The following CTNNA2 variants were observed in gnomAD, a reference collection of about 807,000 sequenced individuals.
CTNNA2 encodes catenin alpha-2.
CTNNA2 carries 42 observed loss-of-function variants against 101.0 expected under a neutral mutation model. That is an observed-to-expected ratio of 0.42 (90% CI 0.32 to 0.54). The LOEUF (loss-of-function observed/expected upper bound fraction) is 0.54. Among genes scored for constraint, CTNNA2 ranks in the 20% least tolerant of loss-of-function variants. CTNNA2 has a pLI of 0.14. For missense variants in CTNNA2, 871 were observed against 1,223.1 expected (o/e 0.71, Z 4.29); for synonymous variants, 450 against 456.4 (o/e 0.99, Z 0.18).
At chr2:80,112,104 T>C (rs1701249750) in intron 7 of CTNNA2, among the ~76,000 whole-genome samples, 1 of 152,186 alleles carries the variant, frequency 6.6e-6, no homozygotes, top group Non-Finnish European at 1.5e-5. Context: ...ACAATATAGT[T>C]TCAAATAATA....
intron 2 of CTNNA2, among the ~76,000 whole-genome samples, chr2:79,672,316 A>G (rs1682893284): frequency 6.6e-6 from 1 of 152,204 alleles, no homozygotes; most frequent in Admixed American, 6.5e-5. Flanking sequence ...ACCAAACTAG[A>G]ATTTTATAAA....
At chr2:79,987,970 TC>T (rs1691883565) in intron 7 of CTNNA2, among the ~76,000 whole-genome samples, 1 of 152,198 alleles carries the variant, frequency 6.6e-6, no homozygotes. Context: ...TCTCAATAAA[TC>T]TGTGTGGTTT....
chr2:79,273,091 G>T (rs536971264), intron 2 of CTNNA2, among the ~76,000 whole-genome samples: 1 of 151,878 alleles, frequency 6.6e-6, no homozygotes, highest in South Asian at 2.1e-4. Context: ...TTTCATGTTG[G>T]CTTCTCAGCA....
intron 9 of CTNNA2, among the ~76,000 whole-genome samples, chr2:80,544,087 G>A (rs1263835576): frequency 6.6e-6 from 1 of 152,230 alleles, no homozygotes; most frequent in East Asian, 2.0e-4. Flanking sequence ...ATAACAACAA[G>A]TTGACCCCCT....
intron 3 of CTNNA2, among the ~76,000 whole-genome samples, chr2:79,815,107 A>C (rs1677382139): frequency 1.3e-5 from 2 of 151,906 alleles, no homozygotes; most frequent in Admixed American, 1.3e-4. Context: ...TCCTTAGGGC[A>C]CTTTTGATGG....
At chr2:79,224,040 T>C (rs1674378838) in intron 2 of CTNNA2, among the ~76,000 whole-genome samples, 1 of 152,210 alleles carries the variant, frequency 6.6e-6, no homozygotes, top group Admixed American at 6.5e-5. Flanking sequence ...CATTCTTCCG[T>C]TGTACATTTC....
chr2:79,471,178 A>G (rs2104546987), intron 4 of CTNNA2, among the ~76,000 whole-genome samples: 1 of 152,270 alleles, frequency 6.6e-6, no homozygotes, highest in South Asian at 2.1e-4. Context: ...GTCCACATTT[A>G]TCTAAATCAG....
intron 7 of CTNNA2, among the ~76,000 whole-genome samples, chr2:79,927,775 T>C (rs1360320348): frequency 3.3e-5 from 5 of 152,192 alleles, no homozygotes; most frequent in African/African-American, 4.8e-5. Context: ...AGTAGACTAT[T>C]AGTGCTTTTG....
chr2:79,737,091 T>G (rs1670934260), intron 2 of CTNNA2, among the ~76,000 whole-genome samples: 2 of 152,158 alleles, frequency 1.3e-5, no homozygotes, highest in Non-Finnish European at 2.9e-5. Flanking sequence ...CTCATGCCAG[T>G]AATCCCAGCT....
chr2:79,707,709 T>G (rs1685475661), intron 2 of CTNNA2, among the ~76,000 whole-genome samples: 1 of 152,202 alleles, frequency 6.6e-6, no homozygotes, highest in African/African-American at 2.4e-5. Flanking sequence ...TACACATTAC[T>G]TGTCTGCACA....
At chr2:80,419,418 A>G (rs199696511) in intron 8 of CTNNA2, 31 bp from the exon 9 acceptor site, 456 of 1,571,728 alleles carry the variant, frequency 2.9e-4, no homozygotes, top group Non-Finnish European at 2.0e-4. Flanking sequence ...TCTTAATTGT[A>G]TGTCATTTTT....
intron 4 of CTNNA2, chr2:79,500,583 T>G (rs1435270390): frequency 6.6e-6 from 1 of 152,214 alleles, no homozygotes; most frequent in Non-Finnish European, 1.5e-5. Flanking sequence ...CACCCCACCC[T>G]TCTCTGCTCT....
chr2:79,399,972 A>G (rs569881153), intron 4 of CTNNA2, among the ~76,000 whole-genome samples: 1 of 152,212 alleles, frequency 6.6e-6, no homozygotes, highest in Non-Finnish European at 1.5e-5. Flanking sequence ...ACATAGCCTC[A>G]GGAGGTCCTC....
At chr2:79,872,940 T>A (rs1013451658) in intron 5 of CTNNA2, among the ~76,000 whole-genome samples, 14 of 152,328 alleles carry the variant, frequency 9.2e-5, no homozygotes, top group African/African-American at 3.4e-4. Context: ...TTTGAACATT[T>A]TCTTAACAAC....
intron 7 of CTNNA2, among the ~76,000 whole-genome samples, chr2:80,075,807 TAAAA>T: frequency 7.0e-6 from 1 of 142,986 alleles, no homozygotes; most frequent in Non-Finnish European, 1.5e-5. Context: ...ATAAATATTA[TAAAA>T]ATAATATTTA....
At chr2:80,306,413 T>TTTCC (rs1676990508) in intron 7 of CTNNA2, among the ~76,000 whole-genome samples, 1 of 135,260 alleles carries the variant, frequency 7.4e-6, no homozygotes, top group South Asian at 2.4e-4. Flanking sequence ...TCTTTCTTTC[T>TTTCC]TTCTTTCTTT....
intron 4 of CTNNA2, among the ~76,000 whole-genome samples, chr2:79,408,274 G>C (rs1367946856): frequency 2.7e-5 from 4 of 145,514 alleles, no homozygotes; most frequent in Non-Finnish European, 4.5e-5. Flanking sequence ...TTTTCACAGA[G>C]AACATAAAGA....
intron 3 of CTNNA2, among the ~76,000 whole-genome samples, chr2:79,805,042 CATT>C (rs1218243892): frequency 6.6e-6 from 1 of 152,032 alleles, no homozygotes; most frequent in Non-Finnish European, 1.5e-5. Flanking sequence ...GTGGGAAGTG[CATT>C]ATTAATTGAA....
At chr2:79,536,583 G>GTGTA (rs1673080943) in intron 1 of CTNNA2, among the ~76,000 whole-genome samples, 6 of 151,882 alleles carry the variant, frequency 4.0e-5, no homozygotes, top group African/African-American at 1.5e-4. Context: ...AAGTGTGTGT[G>GTGTA]TGTGTGTGTG....
Sources: allele counts gnomAD v4.1 joint callset (sites outside exome capture counted in the v4.1 genomes callset), GRCh38; gene constraint gnomAD v4.1.1; transcripts MANE v1.5; gene names NCBI Gene and HGNC (gene_info 2026-07-23, HGNC 2026-07-21).